Variants in KCNH6 observed in about 807,000 individuals in gnomAD.
KCNH6 encodes potassium voltage-gated channel subfamily H member 6.
KCNH6 carries 81 observed loss-of-function variants against 83.4 expected under a neutral mutation model. That is an observed-to-expected ratio of 0.97 (90% confidence interval 0.81 to 1.17). The LOEUF is 1.17. Among genes scored for constraint, KCNH6 ranks in the 50% most tolerant of loss-of-function variants. KCNH6 has a pLI of 0.00. For synonymous variants in KCNH6, 503 were observed against 545.6 expected, an observed-to-expected ratio of 0.92 and a Z score of 1.09; for missense variants, 1,203 against 1,290.5, an observed-to-expected ratio of 0.93 and a Z score of 1.04.
chr17:63,545,008 A>C (rs2033072735), intron 11 of KCNH6, 70 bp from the exon 12 acceptor site: 4 of 1,488,476 alleles, frequency 2.7e-6, no homozygotes, highest in Non-Finnish European at 3.7e-6. Flanking sequence ...CGCAGGCTAC[A>C]AGATTGACAG....
chr17:63,541,710 T>G (rs1043152225), intron 8 of KCNH6, among the ~76,000 whole-genome samples: 2 of 152,054 alleles, frequency 1.3e-5, no homozygotes, highest in Non-Finnish European at 2.9e-5. Context: ...GACTCTGGGG[T>G]CTAGACAGGG....
rs1323723123 is a variant in KCNH6 at position 63,538,815 on chromosome 17, C to A, written c.1954+153C>A. 6.6e-6 allele frequency among the ~76,000 whole-genome samples: 1 copy of A among 152,184 alleles called. No homozygotes were observed. The highest frequency in any genetic ancestry group is 1.5e-5 in the Non-Finnish European group (1 of 68,022). On this transcript the variant is annotated intron_variant, in intron 8 of 12. Transcript: ENST00000314672. The surrounding 1 kb of genome is among the most constrained non-coding windows in gnomAD (Gnocchi z 4.0). ...GCATGTGCCCGGGAGAGCTTTAGAC[C>A]CAGCTGGCTGAATCCTTAAAACAAC... is the stretch of plus-strand genomic sequence containing the variant.
rs1433339827 is a variant in KCNH6, at chr17:63,538,039, G to A, written c.1502-26G>A. On this transcript the variant is annotated intron_variant, in intron 6 of 12. Transcript: ENST00000314672. This position sits in a 1 kb window ranked among gnomAD's most constrained non-coding sequence, Gnocchi z 4.0. ...GGTGTGGCCCAGTGGGGCCGCGGAG[G>A]AGCTCACTCTCCGCCCCGCCCCCAG... 1.9e-6 allele frequency: 3 copies of A among 1,606,924 alleles called. No individual in the cohort carries two copies. The highest frequency in any genetic ancestry group is 2.5e-6 in the Non-Finnish European group (3 of 1,177,620).
intron 10 of KCNH6, 64 bp from the exon 11 acceptor site, chr17:63,544,185 T>C (rs1321338018): frequency 6.2e-7 from 1 of 1,603,414 alleles, no homozygotes; most frequent in African/African-American, 1.3e-5. Flanking sequence ...ACAGGCTCTA[T>C]TGAGAAGGGT....
chr17:63,547,303 G>C (rs111330836), downstream of KCNH6, among the ~76,000 whole-genome samples: 267 of 152,274 alleles, frequency 1.8e-3, 2 homozygotes, highest in African/African-American at 6.3e-3. Context: ...AGGAGGATGA[G>C]GCAGGAGGAC....
At position 63,530,263 on chromosome 17, in the gene KCNH6, G is replaced by C; in HGVS notation, c.469+11G>C. 1 of 1,613,926 alleles carries C rather than the reference G, an allele frequency of 6.2e-7. No homozygotes were observed. On this transcript the variant is annotated intron_variant, in intron 3 of 12. Coordinates refer to ENST00000314672, the MANE Select transcript of KCNH6 (RefSeq NM_001278919.2). The stretch of plus-strand genomic sequence containing the variant: ...GCTTCCTGGGCTCCGGTGAGGCAGA[G>C]TGAGGGTGGTGGTGGGAGGGACGCA...
At position 63,546,452 on chromosome 17, in the gene KCNH6, G is replaced by A. The variant is rs1371135031; in HGVS notation, c.*550G>A. 6.5e-6 allele frequency: 1 copy of A among 153,930 alleles called. No homozygotes were observed. Among genetic ancestry groups the A allele is most frequent in the Non-Finnish European group, 1.4e-5 (1 of 69,292 alleles). 9.5% of individuals were successfully genotyped at this position (153,930 alleles called of 1,614,324 possible). ...TGTGGAGGCAGCTTACAGGATTGAG[G>A]GGGCAGTGAAGAAAGAGGTTTCTGA... On this transcript the variant is annotated 3_prime_UTR_variant, in exon 13 of 13. Transcript: ENST00000314672.
rs919926830 is a variant in KCNH6, at chr17:63,533,849, T to C, written c.676-37T>C. The C allele has an allele frequency of 3.8e-6, 6 of 1,584,248 alleles. No homozygotes were observed. The highest frequency in any genetic ancestry group is 2.3e-5 in the South Asian group (2 of 87,608). On this transcript the variant is annotated intron_variant, in intron 4 of 12. Transcript: ENST00000314672. The surrounding 1 kb of genome is among the most constrained non-coding windows in gnomAD (Gnocchi z 4.1). ...CTAGGCCAGTCTCACCAGCAGTGGC[T>C]GCCCCGTGCCTGACCTCCCTCGGCC...
Position 63,546,109 on chromosome 17 carries a change from A to G in KCNH6, c.*207A>G, listed in dbSNP as rs1035317860. 3 of 511,392 alleles carry G rather than the reference A, an allele frequency of 5.9e-6. No individual in the cohort carries two copies. The highest frequency in any genetic ancestry group is 1.0e-5 in the Non-Finnish European group (3 of 285,938). 31.7% of individuals were successfully genotyped at this position (511,392 alleles called of 1,614,324 possible). On this transcript the variant is annotated 3_prime_UTR_variant, in exon 13 of 13. Transcript: ENST00000314672. Reference sequence around the variant, plus strand: ...AAAAAAAATAGCCGGGCGTGGTGGCAGGCGCCTGTAATCCCAGCTACTGGG... The same window carrying G: ...AAAAAAAATAGCCGGGCGTGGTGGCGGGCGCCTGTAATCCCAGCTACTGGG...
In KCNH6 at chr17:63,534,306, G is replaced by A. The variant is rs200388894; in HGVS notation, c.1096G>A (p.Asp366Asn). 1.1e-5 allele frequency: 17 copies of A among 1,609,642 alleles called. No homozygotes were observed. The highest frequency in any genetic ancestry group is 2.2e-5 in the South Asian group (2 of 90,424). The change falls in exon 5 of 13, where the codon GAT (aspartate) becomes AAT (asparagine). Residue 366 changes from aspartate (D) to asparagine (N), a missense_variant. Asp to Asn is a conservative substitution (Grantham distance 23). Transcript: ENST00000314672. The surrounding 1 kb of genome is among the most constrained non-coding windows in gnomAD (Gnocchi z 5.0). ...FDLLIFRTGS[D>N]ETTTLIGLLK... ...CCTCCTGATCTTCCGCACTGGCTCC[G>A]ATGAGGTGAGCAGACCCCCTCCAGG...
At position 63,523,441 on chromosome 17, in the gene KCNH6, C is replaced by T. The variant is rs1382431459; in HGVS notation, c.28C>T (p.Pro10Ser). MPVRRGHVA[P>S]QNTYLDTIIR... ...GCCGGTCCGCAGGGGCCACGTCGCT[C>T]CCCAAAACACTTACCTGGACACCAT... The change falls in exon 1 of 13, where the codon CCC (proline) becomes TCC (serine). Residue 10 changes from proline to serine, a missense_variant. Physicochemically the swap from Pro to Ser is moderately conservative, Grantham distance 74. Coordinates refer to ENST00000314672, the MANE Select transcript of KCNH6 (RefSeq NM_001278919.2). The surrounding 1 kb of genome is among the most constrained non-coding windows in gnomAD (Gnocchi z 4.2). 1 of 1,605,978 alleles carries T rather than the reference C, an allele frequency of 6.2e-7. No individual in the cohort carries two copies.
rs534469291 is a variant in KCNH6 at position 63,533,792 on chromosome 17, C to T, written c.676-94C>T. 1.6e-6 allele frequency: 2 copies of T among 1,225,092 alleles called. No individual in the cohort carries two copies. Among genetic ancestry groups the T allele is most frequent in the African/African-American group, 1.5e-5 (1 of 67,350 alleles). 75.9% of individuals were successfully genotyped at this position (1,225,092 alleles called of 1,614,324 possible). A position where few individuals can be genotyped will look rare whatever the true frequency, so the allele number is the denominator to read the frequency against. ...CACCAGAGCCGTGGTCACCCACCCT[C>T]TCCCACTACACCTTCCCCAGGCCTC... On this transcript the variant is annotated intron_variant, in intron 4 of 12. Coordinates refer to ENST00000314672, the MANE Select transcript of KCNH6 (RefSeq NM_001278919.2). This position sits in a 1 kb window ranked among gnomAD's most constrained non-coding sequence, Gnocchi z 4.1.
chr17:63,545,926 G>C lies in KCNH6; in HGVS notation c.*24G>C. On this transcript the variant is annotated 3_prime_UTR_variant, in exon 13 of 13. Coordinates refer to ENST00000314672, the MANE Select transcript of KCNH6 (RefSeq NM_001278919.2). ...GAACTCCAAGATAAAGACACCATGA[G>C]GGGACTGAAGGTGGGCAAGGTGAGA... 2 of 1,606,998 alleles carry C rather than the reference G, an allele frequency of 1.2e-6. No individual in the cohort carries two copies. Among genetic ancestry groups the C allele is most frequent in the East Asian group, 2.2e-5 (1 of 44,764 alleles).
chr17:63,529,366 T>C (rs1482062487), intron 2 of KCNH6, among the ~76,000 whole-genome samples: 1 of 152,162 alleles, frequency 6.6e-6, no homozygotes, highest in Non-Finnish European at 1.5e-5. Flanking sequence ...GGCCCAGCCC[T>C]GCCTTGGGAC....
Position 63,523,445 on chromosome 17 carries a change from A to C in KCNH6, c.32A>C (p.Gln11Pro), listed in dbSNP as rs1474422278. 1 of 1,606,524 alleles carries C rather than the reference A, an allele frequency of 6.2e-7. No individual in the cohort carries two copies. The highest frequency in any genetic ancestry group is 8.5e-7 in the Non-Finnish European group (1 of 1,176,586). Residue 11 changes from glutamine (Q) to proline (P), a missense_variant, in exon 1 of 13, where the codon CAA becomes CCA. Gln to Pro is a moderately conservative substitution (Grantham distance 76). Transcript: ENST00000314672. This position sits in a 1 kb window ranked among gnomAD's most constrained non-coding sequence, Gnocchi z 4.2. Reference sequence around the variant, plus strand: ...GTCCGCAGGGGCCACGTCGCTCCCCAAAACACTTACCTGGACACCATCATC... The same window carrying C: ...GTCCGCAGGGGCCACGTCGCTCCCCCAAACACTTACCTGGACACCATCATC... MPVRRGHVAP[Q>P]NTYLDTIIRK...
chr17:63,539,116 G>A (rs998793187), intron 8 of KCNH6, among the ~76,000 whole-genome samples: 1 of 152,182 alleles, frequency 6.6e-6, no homozygotes, highest in Admixed American at 6.5e-5. Context: ...GGGCAGGGGG[G>A]ACAGACAGGT....
rs371558944 is a variant in KCNH6, at chr17:63,544,007, G to A, written c.2234-242G>A. 7 of 1,501,746 alleles carry A rather than the reference G, an allele frequency of 4.7e-6. No individual in the cohort carries two copies. In the African/African-American group the frequency reaches 8.3e-5, roughly 18 times the overall value. The allele number at this position is 1,501,746 out of a possible 1,614,324, so 93.0% of individuals were successfully genotyped here. A position where few individuals can be genotyped will look rare whatever the true frequency, so the allele number is the denominator to read the frequency against. On this transcript the variant is annotated intron_variant, in intron 10 of 12. Coordinates refer to ENST00000314672, the MANE Select transcript of KCNH6 (RefSeq NM_001278919.2). ...AACCAGTGCTAAAAGTCCTCACCCT[G>A]CCAGGGTCTCCCCATGAGCTGGGGC... is the stretch of plus-strand genomic sequence containing the variant.
At chr17:63,545,012 T>C in intron 11 of KCNH6, 66 bp from the exon 12 acceptor site, 2 of 1,509,534 alleles carry the variant, frequency 1.3e-6, no homozygotes, top group Non-Finnish European at 1.8e-6. Flanking sequence ...GGCTACAAGA[T>C]TGACAGCTGC....
At chr17:63,532,492 G>A (rs551009086) in intron 4 of KCNH6, among the ~76,000 whole-genome samples, 5 of 152,192 alleles carry the variant, frequency 3.3e-5, no homozygotes, top group African/African-American at 4.8e-5. Context: ...GGATACAGGG[G>A]CAGGGAGAAA....
Sources: gnomAD v4.1 joint callset for allele counts (sites outside exome capture counted in the v4.1 genomes callset) on GRCh38, gnomAD v4.1.1 for gene constraint, Gnocchi (gnomAD v3.1) non-coding constraint, MANE v1.5 for transcripts, NCBI Gene and HGNC (gene_info 2026-07-23, HGNC 2026-07-21) for gene names.